Variants in PPP1R35 observed in about 807,000 individuals in gnomAD.
The protein encoded by PPP1R35 is UPF0683 protein C7orf47.
In PPP1R35, 23 loss-of-function variants were observed where a neutral mutation model predicts 22.2. That is an observed-to-expected ratio of 1.04 (90% confidence interval 0.75 to 1.47). The LOEUF is 1.47. PPP1R35 is among the 40% of genes most tolerant of loss of function. PPP1R35 has a pLI of 0.00. For synonymous variants in PPP1R35, 198 were observed against 165.7 expected (o/e 1.19, Z -1.50); for missense variants, 409 against 349.6 (o/e 1.17, Z -1.36).
chr7:100,436,306 C>T lies in PPP1R35; in HGVS notation c.69G>A (p.Gly23=). 2 of 1,385,234 alleles carry T rather than the reference C, an allele frequency of 1.4e-6. No homozygotes were observed. Among genetic ancestry groups the T allele is most frequent in the Non-Finnish European group, 1.9e-6 (2 of 1,061,556 alleles). 85.8% of individuals were successfully genotyped at this position (1,385,234 alleles called of 1,614,324 possible). The stretch of plus-strand genomic sequence containing the variant: ...GCGGGACTTGGGGCTCCGGGGGTGG[C>T]CCCGGGACCGCCGCGGCTTCTTCCC... The part of the protein sequence containing the change: ...ADGEEAAAVP[G]PPPEPQVPQL... The change falls in exon 1 of 4, where the codon GGG becomes GGA. Residue 23 remains glycine (G), a synonymous_variant. Transcript: ENST00000292330.
rs910568574 is a variant in PPP1R35, at chr7:100,436,448, T to G, written c.-74A>C. ...CAACGGTCAGGGGACACAGCCTGGC[T>G]GCCGCCTCCTTTCCCCCGCCCCTCC... is the stretch of plus-strand genomic sequence containing the variant. On this transcript the variant is annotated 5_prime_UTR_variant, in exon 1 of 4. Transcript: ENST00000292330. The G allele has an allele frequency of 1.8e-6, 2 of 1,123,894 alleles. No homozygotes were observed. Among genetic ancestry groups the G allele is most frequent in the Admixed American group, 3.1e-5 (1 of 32,624 alleles). The allele number at this position is 1,123,894 out of a possible 1,614,324, so 69.6% of individuals were successfully genotyped here. A position where few individuals can be genotyped will look rare whatever the true frequency, so the allele number is the denominator to read the frequency against.
chr7:100,436,038 G>C lies in PPP1R35; in HGVS notation c.261C>G (p.Ser87=). 6.5e-7 allele frequency: 1 copy of C among 1,539,190 alleles called. No individual in the cohort carries two copies. The highest frequency in any genetic ancestry group is 8.7e-7 in the Non-Finnish European group (1 of 1,148,720). The stretch of plus-strand genomic sequence containing the variant: ...CAGGCTGCGGCTCGGACCGCACCGG[G>C]GAGGGCGGCGTCAGGCGGAAGCGGA... The part of the protein sequence containing the change: ...RQVRFRLTPP[S]PVRSEPQPAV... Residue 87 remains serine (S), a synonymous_variant, in exon 2 of 4, where the codon TCC becomes TCG. Transcript: ENST00000292330.
chr7:100,435,470 A>G lies in PPP1R35; in HGVS notation c.652T>C (p.Ser218Pro), dbSNP rs1194187566. 1.2e-6 allele frequency: 2 copies of G among 1,613,778 alleles called. No individual in the cohort carries two copies. Among genetic ancestry groups the G allele is most frequent in the East Asian group, 2.2e-5 (1 of 44,872 alleles). The change falls in exon 4 of 4, where the codon TCT becomes CCT. Residue 218 changes from serine to proline, a missense_variant. Physicochemically the swap from Ser to Pro is moderately conservative, Grantham distance 74. Transcript: ENST00000292330. ...AGACCGTCCAGGGTCAGGTGTGGAGATTCATAAAATAGCGTTTCTGGGTCA... is the reference window on the plus strand; with the variant it reads ...AGACCGTCCAGGGTCAGGTGTGGAGGTTCATAAAATAGCGTTTCTGGGTCA... ...LCDPETLFYE[S>P]PHLTLDGLPP...
In PPP1R35 at chr7:100,435,425, G is replaced by A. The variant is rs750218188; in HGVS notation, c.697C>T (p.Leu233Phe). 2.5e-6 allele frequency: 4 copies of A among 1,612,500 alleles called. No homozygotes were observed. The highest frequency in any genetic ancestry group is 3.4e-6 in the Non-Finnish European group (4 of 1,179,652). Reference protein sequence around the residue: ...LDGLPPLRLQLRPRPSEDTFL... With the variant: ...LDGLPPLRLQFRPRPSEDTFL... ...GTGTCCTCTGAAGGGCGGGGCCGGA[G>A]TTGAAGTCGGAGAGGGGGCAGACCG... Residue 233 changes from leucine (L) to phenylalanine (F), a missense_variant, in exon 4 of 4, where the codon CTC becomes TTC. Coordinates refer to ENST00000292330, the MANE Select transcript of PPP1R35 (RefSeq NM_145030.4).
rs758396705 is a variant in PPP1R35 at position 100,435,774 on chromosome 7, G to A, written c.452-7C>T. On this transcript the variant is annotated splice_polypyrimidine_tract_variant and splice_region_variant and intron_variant, in intron 2 of 3. Coordinates refer to ENST00000292330, the MANE Select transcript of PPP1R35 (RefSeq NM_145030.4). ...GAGCGCGGCACGTTCAGCCCTGAGAGCGCAGCGGGGACGGAGGTGAGTGGC... is the reference window on the plus strand; with the variant it reads ...GAGCGCGGCACGTTCAGCCCTGAGAACGCAGCGGGGACGGAGGTGAGTGGC... The A allele has an allele frequency of 1.3e-6, 2 of 1,596,374 alleles. No homozygotes were observed. Among genetic ancestry groups the A allele is most frequent in the Non-Finnish European group, 8.5e-7 (1 of 1,176,340 alleles).
At position 100,435,743 on chromosome 7, in the gene PPP1R35, C is replaced by T. The variant is rs759965121; in HGVS notation, c.476G>A (p.Arg159Gln). ...CAGGCTCACCAGGTCCCGGAAGAGC[C>T]GCTTGGAGCGCGGCACGTTCAGCCC... is the stretch of plus-strand genomic sequence containing the variant. ...SEGLNVPRSK[R>Q]LFRDLVSLQV... The change falls in exon 3 of 4, where the codon CGG becomes CAG. Residue 159 changes from arginine (R) to glutamine (Q), a missense_variant. Arg to Gln is a conservative substitution (Grantham distance 43, BLOSUM62 1). Transcript: ENST00000292330. 5.6e-6 allele frequency: 9 copies of T among 1,600,778 alleles called. No homozygotes were observed. Among genetic ancestry groups the T allele is most frequent in the Non-Finnish European group, 5.9e-6 (7 of 1,177,086 alleles).
rs776928706 is a variant in PPP1R35, at chr7:100,435,661, C to T, written c.558G>A (p.Leu186=). The change falls in exon 3 of 4, where the codon CTG becomes CTA. Residue 186 remains leucine (L), a synonymous_variant. Transcript: ENST00000292330. The part of the protein sequence containing the change: ...NAALREKLAL[L]PPQARAPHPK... ...GGTGCGGGGCTCGAGCCTGTGGCGG[C>T]AGGAGAGCCAATTTCTCCCTGAGCG... 1.9e-6 allele frequency: 3 copies of T among 1,611,480 alleles called. No individual in the cohort carries two copies. Among genetic ancestry groups the T allele is most frequent in the South Asian group, 1.1e-5 (1 of 90,760 alleles).
Position 100,435,852 on chromosome 7 carries a change from G to A in PPP1R35, c.447C>T (p.Ser149=), listed in dbSNP as rs749575143. The change falls in exon 2 of 4, where the codon TCC becomes TCT. Residue 149 remains serine (S), a synonymous_variant. Transcript: ENST00000292330. ...QIRCGLEESV[S]EGLNVPRSKR... Reference sequence around the variant, plus strand: ...CCGGCCGCCCGCCCCCCTCACCCTCGGACACGCTCTCCTCCAGGCCGCAGC... The same window carrying A: ...CCGGCCGCCCGCCCCCCTCACCCTCAGACACGCTCTCCTCCAGGCCGCAGC... The A allele has an allele frequency of 3.1e-6, 5 of 1,589,230 alleles. No individual in the cohort carries two copies. Among genetic ancestry groups the A allele is most frequent in the Middle Eastern group, 1.8e-4 (1 of 5,674 alleles).
chr7:100,436,288 T>C lies in PPP1R35; in HGVS notation c.87A>G (p.Gln29=), dbSNP rs1436376050. The change falls in exon 1 of 4, where the codon CAA becomes CAG. Residue 29 remains glutamine, a synonymous_variant. Transcript: ENST00000292330. The part of the protein sequence containing the change: ...AAVPGPPPEP[Q]VPQLRAPVPE... The stretch of plus-strand genomic sequence containing the variant: ...GCACTGGGGCTCGGAGTTGCGGGAC[T>C]TGGGGCTCCGGGGGTGGCCCCGGGA... 2 of 1,365,556 alleles carry C rather than the reference T, an allele frequency of 1.5e-6. No homozygotes were observed. The highest frequency in any genetic ancestry group is 3.0e-5 in the African/African-American group (2 of 66,926). The allele number at this position is 1,365,556 out of a possible 1,614,324, so 84.6% of individuals were successfully genotyped here. A position where few individuals can be genotyped will look rare whatever the true frequency, so the allele number is the denominator to read the frequency against.
At position 100,435,760 on chromosome 7, in the gene PPP1R35, G is replaced by T. The variant is rs368842311; in HGVS notation, c.459C>A (p.Asn153Lys). The change falls in exon 3 of 4, where the codon AAC becomes AAA. Residue 153 changes from asparagine (N) to lysine (K), a missense_variant. Physicochemically the swap from Asn to Lys is moderately conservative, Grantham distance 94 (BLOSUM62 0). Coordinates refer to ENST00000292330, the MANE Select transcript of PPP1R35 (RefSeq NM_145030.4). ...GLEESVSEGL[N>K]VPRSKRLFRD... ...GGAAGAGCCGCTTGGAGCGCGGCACGTTCAGCCCTGAGAGCGCAGCGGGGA... is the reference window on the plus strand; with the variant it reads ...GGAAGAGCCGCTTGGAGCGCGGCACTTTCAGCCCTGAGAGCGCAGCGGGGA... The T allele has an allele frequency of 6.3e-6, 10 of 1,599,730 alleles. No homozygotes were observed. The highest frequency in any genetic ancestry group is 1.7e-5 in the Admixed American group (1 of 58,604).
chr7:100,435,389 G>GC lies in PPP1R35; in HGVS notation c.732dup (p.His245AlafsTer32). 1 of 1,609,626 alleles carries GC rather than the reference G, an allele frequency of 6.2e-7. No individual in the cohort carries two copies. Among genetic ancestry groups the GC allele is most frequent in the Non-Finnish European group, 8.5e-7 (1 of 1,178,710 alleles). On this transcript the variant is annotated frameshift_variant, in exon 4 of 4. Coordinates refer to ENST00000292330, the MANE Select transcript of PPP1R35 (RefSeq NM_145030.4). LOFTEE classifies it high-confidence loss of function. Reference sequence around the variant, plus strand: ...GCTTCCCATCGCCTCAGTGTCCGGTGCATGAGGAAGGTGTCCTCTGAAGGG... The same window carrying GC: ...GCTTCCCATCGCCTCAGTGTCCGGTGCCATGAGGAAGGTGTCCTCTGAAGGG...
In PPP1R35 at chr7:100,435,678, C is replaced by T. The variant is rs755356911; in HGVS notation, c.541G>A (p.Glu181Lys). 5.6e-6 allele frequency: 9 copies of T among 1,610,116 alleles called. No individual in the cohort carries two copies. The highest frequency in any genetic ancestry group is 2.2e-5 in the South Asian group (2 of 90,582). The change falls in exon 3 of 4, where the codon GAG becomes AAG. Residue 181 changes from glutamate to lysine, a missense_variant. Coordinates refer to ENST00000292330, the MANE Select transcript of PPP1R35 (RefSeq NM_145030.4). ...EEQVLNAALR[E>K]KLALLPPQAR... ...TGTGGCGGCAGGAGAGCCAATTTCT[C>T]CCTGAGCGCGGCATTCAGAACCTGT... is the stretch of plus-strand genomic sequence containing the variant.
At position 100,436,487 on chromosome 7, in the gene PPP1R35, C is replaced by G. The variant is rs1467718338; in HGVS notation, c.-113G>C. 2 of 754,150 alleles carry G rather than the reference C, an allele frequency of 2.7e-6. No individual in the cohort carries two copies. Among genetic ancestry groups the G allele is most frequent in the African/African-American group, 1.8e-5 (1 of 54,278 alleles). The allele number at this position is 754,150 out of a possible 1,614,324, so 46.7% of individuals were successfully genotyped here. A position where few individuals can be genotyped will look rare whatever the true frequency, so the allele number is the denominator to read the frequency against. On this transcript the variant is annotated 5_prime_UTR_variant, in exon 1 of 4. Coordinates refer to ENST00000292330, the MANE Select transcript of PPP1R35 (RefSeq NM_145030.4). ...CCCCGCCCCTCCTAGACGCCGCTAC[C>G]GGAAACCGTTAACCCTTTCCTTCGG...
At chr7:100,436,618 C>A, upstream of PPP1R35, 1 of 378,980 alleles carries the variant, frequency 2.6e-6, no homozygotes. Context: ...GCCTTGGCAC[C>A]GCCCCCAAGC....
In PPP1R35 at chr7:100,435,648, G is replaced by C. The variant is rs1346943810; in HGVS notation, c.571C>G (p.Arg191Gly). The C allele has an allele frequency of 3.7e-6, 6 of 1,612,528 alleles. No homozygotes were observed. The highest frequency in any genetic ancestry group is 5.1e-6 in the Non-Finnish European group (6 of 1,179,654). The change falls in exon 3 of 4, where the codon CGA becomes GGA. Residue 191 changes from arginine to glycine, a missense_variant. Physicochemically the swap from Arg to Gly is moderately radical, Grantham distance 125. Transcript: ENST00000292330. ...EKLALLPPQA[R>G]APHPKEPPGP... ...CCCATCACCTTTGGGTGCGGGGCTC[G>C]AGCCTGTGGCGGCAGGAGAGCCAAT...
At chr7:100,436,573 C>T (rs908028151), upstream of PPP1R35, 3 of 407,200 alleles carry the variant, frequency 7.4e-6, no homozygotes, top group African/African-American at 2.1e-5. Flanking sequence ...TCCCTCGCTC[C>T]GTCCCCAGGT....
Position 100,435,949 on chromosome 7 carries a change from C to A in PPP1R35, c.350G>T (p.Arg117Leu). ...KSSLALGLELRAAAGSHFDAA... is the reference protein window; with the variant it reads ...KSSLALGLELLAAAGSHFDAA... ...ATCAAAGTGGCTCCCGGCTGCGGCCCGCAGCTCCAGGCCCAAGGCCAGGCT... is the reference window on the plus strand; with the variant it reads ...ATCAAAGTGGCTCCCGGCTGCGGCCAGCAGCTCCAGGCCCAAGGCCAGGCT... The change falls in exon 2 of 4, where the codon CGG (arginine) becomes CTG (leucine). Residue 117 changes from arginine to leucine, a missense_variant. Transcript: ENST00000292330. The A allele has an allele frequency of 1.3e-6, 2 of 1,591,134 alleles. No individual in the cohort carries two copies. The highest frequency in any genetic ancestry group is 2.3e-5 in the East Asian group (1 of 44,196).
At position 100,436,130 on chromosome 7, in the gene PPP1R35, C is replaced by A. The variant is rs1162788210; in HGVS notation, c.234+11G>T. ...GCCGTCGCGGGCCGGGGGCCAGCCTCCCCCGCTCACCTGCCGCCGCTGCCG... is the reference window on the plus strand; with the variant it reads ...GCCGTCGCGGGCCGGGGGCCAGCCTACCCCGCTCACCTGCCGCCGCTGCCG... On this transcript the variant is annotated intron_variant, in intron 1 of 3. Transcript: ENST00000292330. 3.1e-6 allele frequency: 4 copies of A among 1,309,430 alleles called. No homozygotes were observed. Among genetic ancestry groups the A allele is most frequent in the Non-Finnish European group, 3.9e-6 (4 of 1,034,666 alleles). 81.1% of individuals were successfully genotyped at this position (1,309,430 alleles called of 1,614,324 possible).
At position 100,435,842 on chromosome 7, in the gene PPP1R35, C is replaced by T. The variant is rs1049631155; in HGVS notation, c.451+6G>A. The stretch of plus-strand genomic sequence containing the variant: ...CCGCACGCGGCCGGCCGCCCGCCCC[C>T]CTCACCCTCGGACACGCTCTCCTCC... On this transcript the variant is annotated splice_donor_region_variant and intron_variant, in intron 2 of 3. Coordinates refer to ENST00000292330, the MANE Select transcript of PPP1R35 (RefSeq NM_145030.4). 3 of 1,585,134 alleles carry T rather than the reference C, an allele frequency of 1.9e-6. No homozygotes were observed. The highest frequency in any genetic ancestry group is 2.3e-5 in the East Asian group (1 of 44,130).
Sources: allele counts gnomAD v4.1 joint callset, GRCh38; gene constraint gnomAD v4.1.1; transcripts MANE v1.5; gene names NCBI Gene and HGNC (gene_info 2026-07-23, HGNC 2026-07-21).